Variants in TULP4 observed in about 807,000 individuals in gnomAD.
TULP4 encodes tubby-related protein 4.
In TULP4, 16 loss-of-function variants were observed where a neutral mutation model predicts 129.0. That is an observed-to-expected ratio of 0.12 (90% CI 0.08 to 0.19). The LOEUF is 0.19. Among genes scored for constraint, TULP4 ranks in the 10% least tolerant of loss-of-function variants. TULP4 has a pLI of 1.00. For missense variants in TULP4, 1,842 were observed against 2,059.1 expected, an observed-to-expected ratio of 0.89 and a Z score of 2.04; for synonymous variants, 998 against 854.0, an observed-to-expected ratio of 1.17 and a Z score of -2.94.
At chr6:158,424,437 A>G (rs1014070887) in intron 2 of TULP4, among the ~76,000 whole-genome samples, 1 of 152,090 alleles carries the variant, frequency 6.6e-6, no homozygotes, top group Non-Finnish European at 1.5e-5. Flanking sequence ...TTGAGTAGAA[A>G]CAGGGTTTCA....
At chr6:158,454,600 A>C (rs867556068) in intron 5 of TULP4, among the ~76,000 whole-genome samples, 52 of 147,038 alleles carry the variant, frequency 3.5e-4, no homozygotes, top group Middle Eastern at 7.4e-3. Context: ...TTGGAGCAAC[A>C]GTTCTCTCTT....
upstream of TULP4, among the ~76,000 whole-genome samples, chr6:158,282,047 T>C (rs1778764394): frequency 2.6e-5 from 4 of 152,214 alleles, no homozygotes; most frequent in Admixed American, 2.6e-4. Context: ...GTCTTCTTTT[T>C]CTTAGCTCTA....
At chr6:158,303,537 C>T (rs1017004821) in intron 1 of TULP4, among the ~76,000 whole-genome samples, 1 of 152,028 alleles carries the variant, frequency 6.6e-6, no homozygotes, top group African/African-American at 2.4e-5. Flanking sequence ...CGACAAAGGG[C>T]AAAAGCAGAA....
chr6:158,241,478 T>G (rs1389895843), intron 1 of TULP4, among the ~76,000 whole-genome samples: 1 of 151,214 alleles, frequency 6.6e-6, no homozygotes, highest in Non-Finnish European at 1.5e-5. Flanking sequence ...TGAACGAGAC[T>G]CCGTCTGCAA....
chr6:158,494,360 T>A (rs1332320178), intron 10 of TULP4, among the ~76,000 whole-genome samples: 6 of 152,342 alleles, frequency 3.9e-5, no homozygotes, highest in Non-Finnish European at 7.3e-5. Flanking sequence ...CTTAAATTTT[T>A]AAAAATTTAA....
At chr6:158,496,493 A>G (rs1160333262) in intron 11 of TULP4, among the ~76,000 whole-genome samples, 1 of 152,244 alleles carries the variant, frequency 6.6e-6, no homozygotes, top group Non-Finnish European at 1.5e-5. Flanking sequence ...AAACTGACTT[A>G]GGGAATCACA....
intron 1 of TULP4, among the ~76,000 whole-genome samples, chr6:158,274,948 T>C (rs1459778770): frequency 6.6e-6 from 1 of 152,254 alleles, no homozygotes; most frequent in Non-Finnish European, 1.5e-5. Flanking sequence ...TAGCCTTTTA[T>C]TGATCTCTTC....
intron 1 of TULP4, among the ~76,000 whole-genome samples, chr6:158,357,909 A>T (rs1780683763): frequency 6.6e-6 from 1 of 152,140 alleles, no homozygotes; most frequent in African/African-American, 2.4e-5. Flanking sequence ...TGGAGTCTTC[A>T]TTACATACTT....
At chr6:158,454,561 T>G (rs1344120084) in intron 5 of TULP4, among the ~76,000 whole-genome samples, 2 of 152,120 alleles carry the variant, frequency 1.3e-5, no homozygotes, top group Non-Finnish European at 2.9e-5. Flanking sequence ...GGAAACTTTA[T>G]TTTTTATGCC....
intron 1 of TULP4, among the ~76,000 whole-genome samples, chr6:158,283,400 C>T (rs1778790801): frequency 6.6e-6 from 1 of 152,132 alleles, no homozygotes; most frequent in Non-Finnish European, 1.5e-5. Flanking sequence ...CACTTATTTT[C>T]CACTCTGTAT....
rs1394637190 is a variant in TULP4, at chr6:158,349,605, C to T, written c.252+35337C>T. The stretch of plus-strand genomic sequence containing the variant: ...CTCACCTCCCAGATAGGGTGGCAGC[C>T]GGGCAGAGGCGCCCCTCACTTCCCA... On this transcript the variant is annotated intron_variant, in intron 1 of 13. Transcript: ENST00000367097. 2.6e-4 allele frequency among the ~76,000 whole-genome samples: 34 copies of T among 131,414 alleles called. 1 individual carries two copies. Among genetic ancestry groups the T allele is most frequent in the African/African-American group, 9.0e-4 (31 of 34,370 alleles). The allele number at this position is 131,414 out of a possible 152,430, so 86.2% of individuals were successfully genotyped here.
At chr6:158,237,464 T>C (rs1190656399) in intron 1 of TULP4, 13 of 1,544,902 alleles carry the variant, frequency 8.4e-6, no homozygotes, top group Non-Finnish European at 1.2e-5. Context: ...GTCGCTGCAC[T>C]GCCAGGTCTT....
At chr6:158,371,206 G>C (rs1245499813) in intron 1 of TULP4, among the ~76,000 whole-genome samples, 1 of 152,246 alleles carries the variant, frequency 6.6e-6, no homozygotes, top group East Asian at 1.9e-4. Context: ...AATGAGAGGA[G>C]AGTGAGAGGT....
intron 1 of TULP4, among the ~76,000 whole-genome samples, chr6:158,392,699 AT>A (rs932233577): frequency 5.4e-5 from 8 of 149,456 alleles, no homozygotes; most frequent in Admixed American, 2.7e-4. Flanking sequence ...TGAGGGGACT[AT>A]GGCGGCTGAG....
chr6:158,362,094 C>G (rs1276845578), intron 1 of TULP4, among the ~76,000 whole-genome samples: 1 of 152,246 alleles, frequency 6.6e-6, no homozygotes, highest in Admixed American at 6.5e-5. Context: ...TGAACTAGCT[C>G]TGTTGCATAA....
intron 1 of TULP4, among the ~76,000 whole-genome samples, chr6:158,345,393 T>C (rs1034939724): frequency 3.9e-5 from 6 of 152,216 alleles, no homozygotes; most frequent in East Asian, 1.9e-4. Context: ...CAGACTACTA[T>C]TGGGGGAACC....
At position 158,445,511 on chromosome 6, in the gene TULP4, C is replaced by A. The variant is rs1779016100; in HGVS notation, c.544-3485C>A. The stretch of plus-strand genomic sequence containing the variant: ...CTGAGTGAATGAGAACCTGGGAGTG[C>A]AGACCTGCCCTTGAGATGCTTTTGG... On this transcript the variant is annotated intron_variant, in intron 3 of 13. Coordinates refer to ENST00000367097, the MANE Select transcript of TULP4 (RefSeq NM_020245.5). 2.0e-5 allele frequency among the ~76,000 whole-genome samples: 3 copies of A among 152,166 alleles called. No homozygotes were observed. The South Asian group carries it at 6.2e-4, about 32-fold the overall frequency.
intron 1 of TULP4, among the ~76,000 whole-genome samples, chr6:158,365,733 A>T (rs1780927490): frequency 6.6e-6 from 1 of 151,624 alleles, no homozygotes; most frequent in Non-Finnish European, 1.5e-5. Flanking sequence ...GGCCTCCCAA[A>T]ATGCTGGGAT....
At chr6:158,494,962 A>G (rs895373421) in intron 11 of TULP4, 116 bp downstream of exon 11, 3 of 776,466 alleles carry the variant, frequency 3.9e-6, no homozygotes, top group Non-Finnish European at 6.1e-6. Flanking sequence ...AAAGATTAGC[A>G]TGTATTTTAC....
Sources: gnomAD v4.1 joint callset for allele counts (sites outside exome capture counted in the v4.1 genomes callset) on GRCh38, gnomAD v4.1.1 for gene constraint, MANE v1.5 for transcripts, NCBI Gene and HGNC (gene_info 2026-07-23, HGNC 2026-07-21) for gene names.